The following SH3BP5 variants were observed in gnomAD, a reference collection of about 807,000 sequenced individuals.
The protein encoded by SH3BP5 is SH3 domain-binding protein 5.
In SH3BP5, 22 loss-of-function variants were observed where a neutral mutation model predicts 43.3. The ratio of observed to expected loss-of-function variants is 0.51; its 90% CI spans 0.36 to 0.73. The LOEUF (loss-of-function observed/expected upper bound fraction) is 0.73. SH3BP5 is among the 30% of genes least tolerant of loss of function. The pLI, the probability that SH3BP5 is intolerant of heterozygous loss-of-function variation, is 0.00. For missense variants in SH3BP5, 529 were observed against 586.9 expected (o/e 0.90, Z 1.02); for synonymous variants, 255 against 225.8 (o/e 1.13, Z -1.16).
chr3:15,273,186 C>T (rs965390396), intron 3 of SH3BP5: 124 of 985,260 alleles, frequency 1.3e-4, no homozygotes, highest in Non-Finnish European at 1.5e-4. Context: ...TTTGTATTTG[C>T]CTTTTTAGGA....
chr3:15,336,546 A>C (rs576142714), upstream of SH3BP5, among the ~76,000 whole-genome samples: 1 of 152,160 alleles, frequency 6.6e-6, no homozygotes, highest in African/African-American at 2.4e-5. Flanking sequence ...GAGCCACATC[A>C]TCAGCTGAGA....
At chr3:15,300,508 G>C (rs1011708362) in intron 3 of SH3BP5, among the ~76,000 whole-genome samples, 18 of 9,822 alleles carry the variant, frequency 1.8e-3, no homozygotes, top group African/African-American at 2.7e-3. Flanking sequence ...AAGCGGGGGC[G>C]GGGGGACAAG....
intron 2 of SH3BP5, among the ~76,000 whole-genome samples, chr3:15,316,875 A>G (rs931024761): frequency 3.9e-5 from 6 of 152,208 alleles, no homozygotes; most frequent in African/African-American, 1.4e-4. Flanking sequence ...GCATGCACAT[A>G]AGCAAGAACG....
At chr3:15,271,254 TGTATTC>T (rs946588935) in intron 3 of SH3BP5, among the ~76,000 whole-genome samples, 1 of 152,116 alleles carries the variant, frequency 6.6e-6, no homozygotes, top group Non-Finnish European at 1.5e-5. Context: ...GGCACATGGC[TGTATTC>T]CCCACTCCTT....
At chr3:15,335,870 T>TG (rs1698695446), upstream of SH3BP5, among the ~76,000 whole-genome samples, 1 of 152,224 alleles carries the variant, frequency 6.6e-6, no homozygotes. Flanking sequence ...TTGTCTGGGA[T>TG]GGGGGCAGGG....
In SH3BP5 at chr3:15,332,376, C is replaced by T; in HGVS notation, c.33G>A (p.Glu11=). Residue 11 remains glutamate, a synonymous_variant, in exon 1 of 9, where the codon GAG becomes GAA. Coordinates refer to ENST00000383791, the MANE Select transcript of SH3BP5 (RefSeq NM_004844.5). The stretch of plus-strand genomic sequence containing the variant: ...CAGGCGGCAGGATTTCGGCTGGCTC[C>T]TCCGAGCGGCTCCGCTTCAGTGCCG... The part of the protein sequence containing the change: MDAALKRSRS[E]EPAEILPPAR... 1 of 1,538,366 alleles carries T rather than the reference C, an allele frequency of 6.5e-7. No individual in the cohort carries two copies. The highest frequency in any genetic ancestry group is 8.7e-7 in the Non-Finnish European group (1 of 1,147,482).
intron 2 of SH3BP5, among the ~76,000 whole-genome samples, chr3:15,312,717 G>C (rs140841463): frequency 3.2e-4 from 49 of 152,294 alleles, no homozygotes; most frequent in African/African-American, 1.1e-3. Flanking sequence ...CTTTCTTAAA[G>C]AAAAGGGAAG....
At chr3:15,303,353 C>T (rs573309689) in intron 3 of SH3BP5, among the ~76,000 whole-genome samples, 4 of 152,210 alleles carry the variant, frequency 2.6e-5, no homozygotes, top group South Asian at 4.1e-4. Flanking sequence ...AAGCCCCCAG[C>T]CCAGAGCCTG....
intron 4 of SH3BP5, 65 bp downstream of exon 4, chr3:15,269,648 G>T: frequency 6.8e-7 from 1 of 1,462,186 alleles, no homozygotes; most frequent in Non-Finnish European, 9.1e-7. Flanking sequence ...TGTTACCTCC[G>T]CTCAGGGGAA....
intron 3 of SH3BP5, among the ~76,000 whole-genome samples, chr3:15,294,835 G>A (rs1001791119): frequency 1.3e-5 from 2 of 152,158 alleles, no homozygotes; most frequent in Admixed American, 6.5e-5. Context: ...CTGAAGGGTA[G>A]GCTGAGGCGT....
chr3:15,265,967 C>T lies in SH3BP5; in HGVS notation c.496-3678G>A, dbSNP rs1362007752. Among the ~76,000 whole-genome samples, 4 of 152,290 alleles carry T rather than the reference C, an allele frequency of 2.6e-5. No individual in the cohort carries two copies. The East Asian group carries it at 7.7e-4, about 29-fold the overall frequency. On this transcript the variant is annotated intron_variant, in intron 4 of 8. Transcript: ENST00000383791. Reference sequence around the variant, plus strand: ...GCTTGGCCAGCCTCTTCGCGGGGTCCCACACCAGCAGAATGGCCCAACCGG... The same window carrying T: ...GCTTGGCCAGCCTCTTCGCGGGGTCTCACACCAGCAGAATGGCCCAACCGG...
intron 2 of SH3BP5, among the ~76,000 whole-genome samples, chr3:15,320,638 A>ACACACACACACACACC (rs1698302203): frequency 1.4e-5 from 2 of 141,810 alleles, no homozygotes; most frequent in Non-Finnish European, 1.5e-5. Flanking sequence ...ACACACACAC[A>ACACACACACACACACC]CACCCCACTA....
At chr3:15,332,697 C>T (rs1698648631), upstream of SH3BP5, 1 of 1,113,878 alleles carries the variant, frequency 9.0e-7, no homozygotes, top group Non-Finnish European at 1.1e-6. Flanking sequence ...ATCCAGGTCT[C>T]CGTCGCAAAA....
At chr3:15,297,172 T>C (rs1300859013) in intron 3 of SH3BP5, among the ~76,000 whole-genome samples, 2 of 152,102 alleles carry the variant, frequency 1.3e-5, no homozygotes, top group Middle Eastern at 3.2e-3. Context: ...TGCCACACTA[T>C]CCCTTTGGGC....
At chr3:15,258,778 C>T (rs576026307) in intron 7 of SH3BP5, 53 bp downstream of exon 7, 1 of 1,508,884 alleles carries the variant, frequency 6.6e-7, no homozygotes, top group Non-Finnish European at 9.2e-7. Context: ...CCTTGGGAAA[C>T]AAATCACACA....
chr3:15,282,574 A>C (rs1697159421), intron 3 of SH3BP5, among the ~76,000 whole-genome samples: 1 of 151,904 alleles, frequency 6.6e-6, no homozygotes, highest in African/African-American at 2.4e-5. Context: ...ACTATTTATC[A>C]AGACAAAAAA....
intron 3 of SH3BP5, among the ~76,000 whole-genome samples, chr3:15,303,262 C>T (rs1316186014): frequency 6.6e-6 from 1 of 152,232 alleles, no homozygotes; most frequent in African/African-American, 2.4e-5. Context: ...TCTGAACTCT[C>T]ATCTCAAGAG....
chr3:15,338,462 G>A (rs531806649), intron 1 of SH3BP5, among the ~76,000 whole-genome samples: 11 of 152,304 alleles, frequency 7.2e-5, no homozygotes, highest in African/African-American at 2.2e-4. Context: ...TGTCAATATC[G>A]GAAGAAACTG....
At chr3:15,308,051 G>C (rs954921769) in intron 2 of SH3BP5, among the ~76,000 whole-genome samples, 3 of 151,526 alleles carry the variant, frequency 2.0e-5, no homozygotes, top group Non-Finnish European at 4.4e-5. Flanking sequence ...AAAATAGCTA[G>C]AAGCAGAGCA....
Sources: allele counts gnomAD v4.1 joint callset (sites outside exome capture counted in the v4.1 genomes callset), GRCh38; gene constraint gnomAD v4.1.1; transcripts MANE v1.5; gene names NCBI Gene and HGNC (gene_info 2026-07-23, HGNC 2026-07-21).